Variants in ANO2 observed in about 807,000 individuals in gnomAD.
ANO2 encodes anoctamin 2.
Under a neutral mutation model 124.2 loss-of-function variants are expected in ANO2, and 101 were observed. The observed-to-expected ratio is 0.81, with a 90% confidence interval of 0.69 to 0.96. The LOEUF (loss-of-function observed/expected upper bound fraction) is 0.96. Ranked by LOEUF, ANO2 falls within the 40% of genes least tolerant of loss-of-function variation. The pLI is 0.00. For missense variants in ANO2, 1,293 were observed against 1,274.5 expected (o/e 1.01, Z -0.22); for synonymous variants, 486 against 482.5 (o/e 1.01, Z -0.09).
chr12:5,908,546 G>T lies in ANO2; in HGVS notation c.534+12494C>A, dbSNP rs1165223609. On this transcript the variant is annotated intron_variant, in intron 3 of 24. Transcript: ENST00000682330. This position sits in a 1 kb window ranked among gnomAD's most constrained non-coding sequence, Gnocchi z 4.7. ...CAGTAGCCGAGACTCCCAACCCAGT[G>T]ATGCTCAAGGAATGGTAAACACATT... Among the ~76,000 whole-genome samples, 1 of 152,182 alleles carries T rather than the reference G, an allele frequency of 6.6e-6. No homozygotes were observed.
At chr12:5,638,514 C>A (rs1024462932) in intron 15 of ANO2, among the ~76,000 whole-genome samples, 25 of 104,404 alleles carry the variant, frequency 2.4e-4, no homozygotes, top group African/African-American at 7.9e-4. Context: ...GGATTACAGG[C>A]GTGAGCCACC....
At chr12:5,646,876 T>C (rs1365933299) in intron 15 of ANO2, among the ~76,000 whole-genome samples, 9 of 152,132 alleles carry the variant, frequency 5.9e-5, no homozygotes, top group Admixed American at 5.9e-4. Context: ...ACGGTCACGA[T>C]GGCAAAAATA....
intron 3 of ANO2, among the ~76,000 whole-genome samples, chr12:5,868,276 A>C (rs1955483819): frequency 6.6e-6 from 1 of 152,188 alleles, no homozygotes. Context: ...AGGCCAGGGG[A>C]TGAAGGTCAT....
intron 3 of ANO2, among the ~76,000 whole-genome samples, chr12:5,888,926 C>T (rs761232189): frequency 6.6e-6 from 1 of 152,244 alleles, no homozygotes; most frequent in Non-Finnish European, 1.5e-5. Flanking sequence ...GTCGAAGGGA[C>T]TGGGTGCCTT....
In ANO2 at chr12:5,612,696, T is replaced by C; in HGVS notation, c.2047A>G (p.Lys683Glu). The change falls in exon 19 of 25, where the codon AAG becomes GAG. Residue 683 changes from lysine to glutamate, a missense_variant. By Grantham distance (56) the Lys-to-Glu change is moderately conservative (BLOSUM62 1). Coordinates refer to ENST00000682330, the MANE Select transcript of ANO2 (RefSeq NM_001364791.2). ...AAGATGTTGTTCTGGATCAACTGCT[T>C]CCCCAACATGATGATGCTGAGCTGA... ...CIQLSIIMLG[K>E]QLIQNNIFEI... 6.2e-7 allele frequency: 1 copy of C among 1,613,782 alleles called. No homozygotes were observed. The highest frequency in any genetic ancestry group is 1.1e-5 in the South Asian group (1 of 91,058).
At chr12:5,861,606 G>A (rs916327964) in intron 3 of ANO2, among the ~76,000 whole-genome samples, 3 of 152,192 alleles carry the variant, frequency 2.0e-5, no homozygotes, top group African/African-American at 7.2e-5. Context: ...GCTGACCCAA[G>A]GGGCCTGAGT....
In ANO2 at chr12:5,672,544, C is replaced by T. The variant is rs187790875; in HGVS notation, c.1546-24743G>A. Among the ~76,000 whole-genome samples the T allele has an allele frequency of 9.9e-5, 15 of 152,270 alleles. No homozygotes were observed. In the East Asian group the frequency reaches 2.9e-3, roughly 29 times the overall value. On this transcript the variant is annotated intron_variant, in intron 14 of 24. Transcript: ENST00000682330. The stretch of plus-strand genomic sequence containing the variant: ...TGAGTTTGGACCCAGAGTGTGGACC[C>T]ATGGAGGTCAGCTACCTGGTTTAAG...
chr12:5,733,685 T>C (rs577036070), intron 13 of ANO2, among the ~76,000 whole-genome samples: 2 of 152,260 alleles, frequency 1.3e-5, no homozygotes, highest in South Asian at 4.1e-4. Context: ...ACCATGTAAG[T>C]GACTAACAAG....
intron 14 of ANO2, among the ~76,000 whole-genome samples, chr12:5,666,306 G>T (rs549236598): frequency 6.6e-6 from 1 of 152,328 alleles, no homozygotes; most frequent in African/African-American, 2.4e-5. Flanking sequence ...TGTTCATCAT[G>T]CAGTAGAGAA....
intron 14 of ANO2, among the ~76,000 whole-genome samples, chr12:5,702,400 G>A (rs190845278): frequency 6.6e-6 from 1 of 152,190 alleles, no homozygotes; most frequent in African/African-American, 2.4e-5. Flanking sequence ...CAGACTGGGA[G>A]AAAATATTTG....
chr12:5,916,491 T>TAAAAAAA lies in ANO2; in HGVS notation c.534+4548_534+4549insTTTTTTT, dbSNP rs769233593. On this transcript the variant is annotated intron_variant, in intron 3 of 24. Transcript: ENST00000682330. ...CTCTGAATAGAAAAATCGCAGCAGG[T>TAAAAAAA]TAAAAAAAAAAAAAAAAAAAAAGGC... 1.8e-4 allele frequency among the ~76,000 whole-genome samples: 18 copies of TAAAAAAA among 98,120 alleles called. 1 individual carries two copies. The highest frequency in any genetic ancestry group is 2.6e-4 in the Non-Finnish European group (13 of 49,594). The allele number at this position is 98,120 out of a possible 152,430, so 64.4% of individuals were successfully genotyped here.
intron 12 of ANO2, among the ~76,000 whole-genome samples, chr12:5,741,632 G>A (rs977368087): frequency 6.6e-5 from 10 of 152,288 alleles, no homozygotes; most frequent in Admixed American, 2.0e-4. Flanking sequence ...TAGATGAGTC[G>A]TGAGGGCAAG....
intron 3 of ANO2, among the ~76,000 whole-genome samples, chr12:5,873,303 C>A (rs1937859465): frequency 6.6e-6 from 1 of 151,706 alleles, no homozygotes; most frequent in South Asian, 2.1e-4. Flanking sequence ...GGCTCTTGAA[C>A]TCTGGCCTCA....
chr12:5,710,924 G>A (rs1345683521), intron 14 of ANO2, among the ~76,000 whole-genome samples: 1 of 152,154 alleles, frequency 6.6e-6, no homozygotes, highest in Non-Finnish European at 1.5e-5. Flanking sequence ...CACTTTGGGA[G>A]GCCGAGGCGG....
intron 16 of ANO2, among the ~76,000 whole-genome samples, chr12:5,622,963 C>CA (rs60889578): frequency 0.011 from 1,177 of 106,532 alleles, 12 homozygotes; most frequent in African/African-American, 0.024. Context: ...GGCTCTGTCT[C>CA]AAAAAAAAAA....
chr12:5,659,367 G>A (rs1412057800), intron 14 of ANO2, among the ~76,000 whole-genome samples: 1 of 152,122 alleles, frequency 6.6e-6, no homozygotes, highest in Non-Finnish European at 1.5e-5. Flanking sequence ...AAATGGTCTT[G>A]CTCCCCACAG....
intron 1 of ANO2, 38 bp downstream of exon 1, chr12:5,945,150 CTACCACCT>C: frequency 7.8e-7 from 1 of 1,284,618 alleles, no homozygotes; most frequent in Non-Finnish European, 1.0e-6. Flanking sequence ...TCCCTCCCTC[CTACCACCT>C]GTAGGAGACC....
intron 14 of ANO2, among the ~76,000 whole-genome samples, chr12:5,669,513 T>C (rs934476008): frequency 1.3e-5 from 2 of 152,198 alleles, no homozygotes; most frequent in African/African-American, 4.8e-5. Context: ...CTCTTCCTAT[T>C]TGAATATCTT....
chr12:5,659,532 A>G (rs1385513579), intron 14 of ANO2, among the ~76,000 whole-genome samples: 1 of 152,236 alleles, frequency 6.6e-6, no homozygotes, highest in African/African-American at 2.4e-5. Flanking sequence ...GCAAAAGGGC[A>G]TAAGGCAGTC....
Sources: allele counts gnomAD v4.1 joint callset (sites outside exome capture counted in the v4.1 genomes callset), GRCh38; gene constraint gnomAD v4.1.1; non-coding constraint Gnocchi (gnomAD v3.1); transcripts MANE v1.5; gene names NCBI Gene and HGNC (gene_info 2026-07-23, HGNC 2026-07-21).